HAO2: variants seen among roughly 807,000 people sequenced by gnomAD.
HAO2 encodes 2-Hydroxyacid oxidase 2.
Under a neutral mutation model 37.4 loss-of-function variants are expected in HAO2, and 42 were observed. That is an observed-to-expected ratio of 1.12 (90% CI 0.88 to 1.45). HAO2 has a LOEUF of 1.45. Among genes scored for constraint, HAO2 ranks in the 40% most tolerant of loss-of-function variants. The pLI is 0.00. For missense variants in HAO2, 476 were observed against 430.2 expected, an observed-to-expected ratio of 1.11 and a Z score of -0.94; for synonymous variants, 180 against 162.8, an observed-to-expected ratio of 1.11 and a Z score of -0.81.
intron 1 of HAO2, among the ~76,000 whole-genome samples, chr1:119,379,442 C>G (rs1284265001): frequency 6.6e-6 from 1 of 152,192 alleles, no homozygotes; most frequent in East Asian, 1.9e-4. Flanking sequence ...ATAAAATTCC[C>G]AGGCATCATA....
At chr1:119,392,354 G>C (rs757369219) in intron 6 of HAO2, 86 bp downstream of exon 6, 115 of 1,181,542 alleles carry the variant, frequency 9.7e-5, no homozygotes, top group Admixed American at 1.5e-4. Flanking sequence ...TCCAAGCTTA[G>C]ACATTTTCAA....
At chr1:119,384,015 A>G (rs1448288881) in intron 3 of HAO2, among the ~76,000 whole-genome samples, 1 of 152,180 alleles carries the variant, frequency 6.6e-6, no homozygotes, top group African/African-American at 2.4e-5. Context: ...GAAAATGTTA[A>G]TTTTTGATTA....
At chr1:119,385,861 T>G in intron 4 of HAO2, 1 of 984,658 alleles carries the variant, frequency 1.0e-6, no homozygotes, top group Non-Finnish European at 1.2e-6. Context: ...ACATTGAGAT[T>G]TATAAATGTT....
At chr1:119,390,746 T>C (rs988593484) in intron 5 of HAO2, among the ~76,000 whole-genome samples, 1 of 152,280 alleles carries the variant, frequency 6.6e-6, no homozygotes, top group Middle Eastern at 3.4e-3. Context: ...ACAGCTGACT[T>C]ATCCTTTCCC....
In HAO2 at chr1:119,386,758, C is replaced by G. The variant is rs1169917465; in HGVS notation, c.698C>G (p.Ala233Gly). 6.2e-7 allele frequency: 1 copy of G among 1,613,708 alleles called. No individual in the cohort carries two copies. Among genetic ancestry groups the G allele is most frequent in the East Asian group, 2.2e-5 (1 of 44,868 alleles). ...TTGACAAAAGAGGATGCAGAGTTAG[C>G]TGTGAAGCACAATGTCCAGGGTATC... Reference protein sequence around the residue: ...GILTKEDAELAVKHNVQGIIV... With the variant: ...GILTKEDAELGVKHNVQGIIV... Residue 233 changes from alanine (A) to glycine (G), a missense_variant, in exon 5 of 8, where the codon GCT becomes GGT. Physicochemically the swap from Ala to Gly is moderately conservative, Grantham distance 60. Coordinates refer to ENST00000325945, the MANE Select transcript of HAO2 (RefSeq NM_016527.4).
chr1:119,370,541 T>C (rs147589805), intron 1 of HAO2, among the ~76,000 whole-genome samples: 17 of 152,340 alleles, frequency 1.1e-4, no homozygotes, highest in Non-Finnish European at 1.6e-4. Flanking sequence ...TTAGTCCTCA[T>C]GGCAGCCCTA....
intron 1 of HAO2, among the ~76,000 whole-genome samples, chr1:119,369,838 T>C (rs1270673829): frequency 1.3e-5 from 2 of 152,112 alleles, no homozygotes; most frequent in African/African-American, 4.8e-5. Flanking sequence ...TCTGTCTTCT[T>C]CGACTGTAAG....
chr1:119,376,456 C>T (rs1442799864), intron 1 of HAO2, among the ~76,000 whole-genome samples: 3 of 152,154 alleles, frequency 2.0e-5, no homozygotes, highest in East Asian at 1.9e-4. Context: ...GGCTTTTCCA[C>T]GTGCACAGTG....
At chr1:119,393,470 C>A (rs1310023269) in intron 7 of HAO2, among the ~76,000 whole-genome samples, 1 of 152,050 alleles carries the variant, frequency 6.6e-6, no homozygotes, top group Non-Finnish European at 1.5e-5. Context: ...TATCCCTGAG[C>A]CTTATCAGAA....
chr1:119,369,395 A>G (rs1346140149), intron 1 of HAO2, among the ~76,000 whole-genome samples: 1 of 152,232 alleles, frequency 6.6e-6, no homozygotes, highest in East Asian at 1.9e-4. Context: ...AATGGGTTAC[A>G]AAGTCCCACT....
intron 1 of HAO2, among the ~76,000 whole-genome samples, chr1:119,370,826 G>A (rs1648932066): frequency 6.6e-6 from 1 of 152,086 alleles, no homozygotes; most frequent in Admixed American, 6.6e-5. Flanking sequence ...CTCCATAGCT[G>A]GGCTCTTCCA....
chr1:119,380,212 GC>G (rs1220212793), intron 1 of HAO2, among the ~76,000 whole-genome samples: 1 of 152,020 alleles, frequency 6.6e-6, no homozygotes, highest in Non-Finnish European at 1.5e-5. Flanking sequence ...TGTTTCTACT[GC>G]CCTGTTTCTA....
intron 5 of HAO2, among the ~76,000 whole-genome samples, chr1:119,391,374 G>C (rs1312190361): frequency 6.6e-6 from 1 of 152,188 alleles, no homozygotes; most frequent in African/African-American, 2.4e-5. Flanking sequence ...GTGCCTAGAA[G>C]CATAGATCGG....
At chr1:119,375,470 A>G (rs183060977) in intron 1 of HAO2, among the ~76,000 whole-genome samples, 3 of 152,272 alleles carry the variant, frequency 2.0e-5, no homozygotes, top group African/African-American at 7.2e-5. Context: ...CTACAAAATT[A>G]TCTCGAGTTC....
intron 4 of HAO2, among the ~76,000 whole-genome samples, chr1:119,386,287 C>T (rs1650372870): frequency 6.6e-6 from 1 of 152,156 alleles, no homozygotes; most frequent in Non-Finnish European, 1.5e-5. Context: ...CATCACTACT[C>T]ACTGCAGTCT....
intron 1 of HAO2, among the ~76,000 whole-genome samples, chr1:119,376,924 A>G (rs967374013): frequency 6.6e-6 from 1 of 152,304 alleles, no homozygotes; most frequent in African/African-American, 2.4e-5. Context: ...TGCAGAGAAG[A>G]TGTCTGATAT....
chr1:119,371,286 A>G (rs1468636820), intron 1 of HAO2, among the ~76,000 whole-genome samples: 1 of 152,180 alleles, frequency 6.6e-6, no homozygotes, highest in Admixed American at 6.5e-5. Context: ...GTTTTTATCT[A>G]TAACATGGGG....
Position 119,370,551 on chromosome 1 carries a change from A to G in HAO2, c.-9+1649A>G, listed in dbSNP as rs587763974. Among the ~76,000 whole-genome samples, 87 of 152,318 alleles carry G rather than the reference A, an allele frequency of 5.7e-4. No individual in the cohort carries two copies. The South Asian group carries it at 0.016, about 28-fold the overall frequency. On this transcript the variant is annotated intron_variant, in intron 1 of 7. Transcript: ENST00000325945. ...ACTGCTTAGTCCTCATGGCAGCCCT[A>G]TGGGATGGATGTTAATATTCTCCTT...
chr1:119,392,370 T>A (rs745876657), intron 6 of HAO2, 102 bp downstream of exon 6: 12 of 1,036,180 alleles, frequency 1.2e-5, no homozygotes, highest in Non-Finnish European at 1.7e-5. Context: ...TTCAAAATGA[T>A]TCCTAAAGGA....
Sources: gnomAD v4.1 joint callset for allele counts (sites outside exome capture counted in the v4.1 genomes callset) on GRCh38, gnomAD v4.1.1 for gene constraint, MANE v1.5 for transcripts, NCBI Gene and HGNC (gene_info 2026-07-23, HGNC 2026-07-21) for gene names.